Variants in WDR59 observed in about 807,000 individuals in gnomAD.
WDR59 encodes the protein WD repeat domain 59.
In WDR59, 100 loss-of-function variants were observed where a neutral mutation model predicts 131.2. That is an observed-to-expected ratio of 0.76 (90% CI 0.65 to 0.90). The LOEUF (loss-of-function observed/expected upper bound fraction) is 0.90. Among genes scored for constraint, WDR59 ranks in the 40% least tolerant of loss-of-function variants. The pLI is 0.00. For synonymous variants in WDR59, 601 were observed against 466.2 expected, an observed-to-expected ratio of 1.29 and a Z score of -3.72; for missense variants, 1,203 against 1,262.2, an observed-to-expected ratio of 0.95 and a Z score of 0.71.
At chr16:74,883,741 G>A (rs891614293) in intron 25 of WDR59, among the ~76,000 whole-genome samples, 1 of 152,004 alleles carries the variant, frequency 6.6e-6, no homozygotes, top group African/African-American at 2.4e-5. Flanking sequence ...TTCTCTCAAG[G>A]CCCAGCGCAG....
chr16:74,935,852 C>T (rs1010717603), intron 8 of WDR59, among the ~76,000 whole-genome samples: 9 of 152,066 alleles, frequency 5.9e-5, no homozygotes, highest in African/African-American at 2.2e-4. Context: ...CAAAAGTTAG[C>T]TGGACATGGT....
At position 74,916,177 on chromosome 16, in the gene WDR59, T is replaced by C; in HGVS notation, c.1049A>G (p.His350Arg). 1 of 1,614,182 alleles carries C rather than the reference T, an allele frequency of 6.2e-7. No individual in the cohort carries two copies. The highest frequency in any genetic ancestry group is 8.5e-7 in the Non-Finnish European group (1 of 1,180,018). ...SLLPEPEKTLHTEDTDHQHTA... is the reference protein window; with the variant it reads ...SLLPEPEKTLRTEDTDHQHTA... ...GTGCTGGTGATCTGTATCTTCAGTG[T>C]GCAGGGTCTTCTCAGGTTCCGGCAG... is the stretch of plus-strand genomic sequence containing the variant. Residue 350 changes from histidine to arginine, a missense_variant, in exon 12 of 26, where the codon CAC (histidine) becomes CGC (arginine). Transcript: ENST00000262144.
intron 2 of WDR59, among the ~76,000 whole-genome samples, chr16:74,957,897 G>A (rs1026976004): frequency 6.6e-6 from 1 of 152,192 alleles, no homozygotes; most frequent in African/African-American, 2.4e-5. Context: ...GGAGGGAGAA[G>A]AAGAAAAGCC....
chr16:74,916,228 T>A lies in WDR59; in HGVS notation c.998A>T (p.Asp333Val). 2 of 1,614,066 alleles carry A rather than the reference T, an allele frequency of 1.2e-6. No homozygotes were observed. The highest frequency in any genetic ancestry group is 1.7e-6 in the Non-Finnish European group (2 of 1,179,984). ...AAGGGAAATACTCTCAATGAACTCA[T>A]CAACACCATCTAATATGTCATTTGC... The part of the protein sequence containing the change: ...LCANDILDGV[D>V]EFIESISLLP... The change falls in exon 12 of 26, where the codon GAT (aspartate) becomes GTT (valine). Residue 333 changes from aspartate (D) to valine (V), a missense_variant. Physicochemically the swap from Asp to Val is radical, Grantham distance 152. Transcript: ENST00000262144.
At chr16:74,912,619 G>T (rs533180256) in intron 13 of WDR59, among the ~76,000 whole-genome samples, 227 of 152,336 alleles carry the variant, frequency 1.5e-3, no homozygotes, top group Non-Finnish European at 2.8e-3. Flanking sequence ...TAAACCAGCA[G>T]TGCCAGAAGA....
chr16:74,928,407 C>T (rs1024139859), intron 8 of WDR59, among the ~76,000 whole-genome samples: 2 of 151,082 alleles, frequency 1.3e-5, no homozygotes, highest in African/African-American at 4.9e-5. Context: ...TCTATAGAGA[C>T]GAGGTCTCCC....
At position 74,912,805 on chromosome 16, in the gene WDR59, CA is replaced by C. The variant is rs538569997; in HGVS notation, c.1225-444del. On this transcript the variant is annotated intron_variant, in intron 13 of 25. Coordinates refer to ENST00000262144, the MANE Select transcript of WDR59 (RefSeq NM_030581.4). Reference sequence around the variant, plus strand: ...AACTAAAAGTATTCCTTATGGGAAACAAAGGGATGGGCTGAAATAAAGGGAT... The same window carrying C: ...AACTAAAAGTATTCCTTATGGGAAACAAGGGATGGGCTGAAATAAAGGGAT... Among the ~76,000 whole-genome samples the C allele has an allele frequency of 2.3e-3, 354 of 152,298 alleles. 1 individual carries two copies. The highest frequency in any genetic ancestry group is 7.9e-3 in the African/African-American group (330 of 41,572).
intron 18 of WDR59, among the ~76,000 whole-genome samples, chr16:74,902,704 G>A (rs1417861870): frequency 1.3e-5 from 2 of 152,118 alleles, no homozygotes; most frequent in Non-Finnish European, 2.9e-5. Flanking sequence ...CCATGAGCCT[G>A]GCTTTCATCT....
Position 74,892,776 on chromosome 16 carries a change from G to GA in WDR59, c.2001-212dup, listed in dbSNP as rs1044641549. Among the ~76,000 whole-genome samples, 12 of 152,260 alleles carry GA rather than the reference G, an allele frequency of 7.9e-5. 1 individual carries two copies. Among genetic ancestry groups the GA allele is most frequent in the East Asian group, 1.9e-4 (1 of 5,180 alleles). On this transcript the variant is annotated intron_variant, in intron 19 of 25. Transcript: ENST00000262144. ...ATACATCTGTGGGTTCCAGCCTGGG[G>GA]AACTTGAAATTGCACACCTCTTTAA...
chr16:74,925,003 T>C (rs1012106582), intron 8 of WDR59, among the ~76,000 whole-genome samples: 2 of 152,050 alleles, frequency 1.3e-5, no homozygotes, highest in African/African-American at 2.4e-5. Context: ...CCCTAGGAAA[T>C]TGAAAGTATC....
At position 74,873,584 on chromosome 16, in the gene WDR59, CTCT is replaced by C. The variant is rs1356417692; in HGVS notation, c.*622_*624del. On this transcript the variant is annotated 3_prime_UTR_variant, in exon 26 of 26. Transcript: ENST00000262144. ...TCACCATAATGTTGTTTAACTTTCT[CTCT>C]TTTTTTTTTTTTTCAAATTACTAGA... is the stretch of plus-strand genomic sequence containing the variant. 20 of 125,908 alleles carry C rather than the reference CTCT, an allele frequency of 1.6e-4. No homozygotes were observed. The highest frequency in any genetic ancestry group is 3.1e-4 in the Non-Finnish European group (18 of 57,462). The allele number at this position is 125,908 out of a possible 1,614,324, so 7.8% of individuals were successfully genotyped here. A position where few individuals can be genotyped will look rare whatever the true frequency, so the allele number is the denominator to read the frequency against.
intron 20 of WDR59, among the ~76,000 whole-genome samples, chr16:74,890,992 T>C (rs1965016376): frequency 6.6e-6 from 1 of 151,648 alleles, no homozygotes; most frequent in African/African-American, 2.4e-5. Flanking sequence ...CACACGCCTG[T>C]AGTCCCAGCT....
intron 8 of WDR59, among the ~76,000 whole-genome samples, chr16:74,928,661 G>C (rs2031099726): frequency 6.6e-6 from 1 of 152,080 alleles, no homozygotes; most frequent in Non-Finnish European, 1.5e-5. Flanking sequence ...CAGCACTTTG[G>C]GAGGCCAAGG....
intron 8 of WDR59, among the ~76,000 whole-genome samples, chr16:74,937,089 C>A (rs1228286463): frequency 6.6e-6 from 1 of 152,176 alleles, no homozygotes; most frequent in Non-Finnish European, 1.5e-5. Context: ...TGTGGTCAAA[C>A]CCCTGTCCTC....
chr16:74,884,499 C>A (rs775691668), intron 25 of WDR59, among the ~76,000 whole-genome samples: 69 of 152,334 alleles, frequency 4.5e-4, no homozygotes, highest in Non-Finnish European at 8.1e-4. Context: ...TAGGTGTGCA[C>A]TAGCACGCCT....
chr16:74,958,952 A>C lies in WDR59; in HGVS notation c.105-2342T>G, dbSNP rs12919260. Reference sequence around the variant, plus strand: ...TGCATGCCTGTAATCCCAGCTACTCAGGAGACCAAGGCAGGAGGATCACTT... The same window carrying C: ...TGCATGCCTGTAATCCCAGCTACTCCGGAGACCAAGGCAGGAGGATCACTT... On this transcript the variant is annotated intron_variant, in intron 2 of 25. Transcript: ENST00000262144. Among the ~76,000 whole-genome samples the C allele has an allele frequency of 3.3e-5, 5 of 151,976 alleles. No homozygotes were observed. In the South Asian group the frequency reaches 6.2e-4, roughly 19 times the overall value.
intron 6 of WDR59, among the ~76,000 whole-genome samples, chr16:74,946,722 CA>C (rs200115235): frequency 1.4e-3 from 213 of 148,180 alleles, no homozygotes; most frequent in Non-Finnish European, 1.8e-3. Context: ...GGATCTGTCT[CA>C]AAAAAAAAGA....
At chr16:74,924,719 G>A (rs765584223) in intron 8 of WDR59, among the ~76,000 whole-genome samples, 2 of 152,260 alleles carry the variant, frequency 1.3e-5, no homozygotes, top group African/African-American at 2.4e-5. Flanking sequence ...AGTGAAACTC[G>A]GAACTGCTTA....
chr16:74,873,649 T>C lies in WDR59; in HGVS notation c.*560A>G, dbSNP rs1204107911. 1 of 148,204 alleles carries C rather than the reference T, an allele frequency of 6.7e-6. No homozygotes were observed. Among genetic ancestry groups the C allele is most frequent in the Non-Finnish European group, 1.5e-5 (1 of 67,210 alleles). 9.2% of individuals were successfully genotyped at this position (148,204 alleles called of 1,614,324 possible). On this transcript the variant is annotated 3_prime_UTR_variant, in exon 26 of 26. Transcript: ENST00000262144. ...CAAGGGATAGCAGCTGGAGGAGAAA[T>C]AACAAAAAAATACATCTTAAGAATC...
Sources: allele counts gnomAD v4.1 joint callset (sites outside exome capture counted in the v4.1 genomes callset), GRCh38; gene constraint gnomAD v4.1.1; transcripts MANE v1.5; gene names NCBI Gene and HGNC (gene_info 2026-07-23, HGNC 2026-07-21).